Variants in RELCH observed in about 807,000 individuals in gnomAD.
RELCH encodes the protein RAB11 binding and LisH domain, coiled-coil and HEAT repeat containing, also known as RAB11-binding protein RELCH.
A neutral mutation model predicts 150.3 loss-of-function variants in RELCH; 41 were observed. The ratio of observed to expected loss-of-function variants is 0.27; its 90% CI spans 0.21 to 0.35. The LOEUF is 0.35. RELCH is among the 10% of genes least tolerant of loss of function. The pLI is 1.00. For missense variants in RELCH, 1,092 were observed against 1,467.8 expected, an observed-to-expected ratio of 0.74 and a Z score of 4.18; for synonymous variants, 478 against 531.8, an observed-to-expected ratio of 0.90 and a Z score of 1.39.
At chr18:62,233,942 T>G (rs2041734980) in intron 10 of RELCH, among the ~76,000 whole-genome samples, 1 of 152,002 alleles carries the variant, frequency 6.6e-6, no homozygotes, top group Non-Finnish European at 1.5e-5. Context: ...TGCACACATA[T>G]AACTAATTTG....
chr18:62,189,260 T>G (rs960871809), intron 1 of RELCH, among the ~76,000 whole-genome samples: 1 of 92,590 alleles, frequency 1.1e-5, no homozygotes, highest in Non-Finnish European at 2.6e-5. Flanking sequence ...TCTTTTTTTG[T>G]TTTTTTTTTT....
intron 26 of RELCH, among the ~76,000 whole-genome samples, chr18:62,289,932 T>A (rs917843552): frequency 6.6e-6 from 1 of 152,208 alleles, no homozygotes; most frequent in African/African-American, 2.4e-5. Flanking sequence ...ACTCTTAAAC[T>A]ACTAATTCAA....
intron 10 of RELCH, among the ~76,000 whole-genome samples, chr18:62,240,222 G>A (rs542867037): frequency 1.3e-5 from 2 of 151,738 alleles, no homozygotes; most frequent in South Asian, 4.2e-4. Flanking sequence ...TTTTTATATT[G>A]CTTATTGTCT....
chr18:62,232,526 C>CA, intron 10 of RELCH, 99 bp downstream of exon 10: 2 of 700,224 alleles, frequency 2.9e-6, no homozygotes, highest in Non-Finnish European at 5.1e-6. Context: ...TTGTTAAAGT[C>CA]TATTACTTGC....
chr18:62,216,567 A>G (rs2040488497), intron 2 of RELCH, among the ~76,000 whole-genome samples: 1 of 152,134 alleles, frequency 6.6e-6, no homozygotes, highest in African/African-American at 2.4e-5. Context: ...CACATGTCAC[A>G]TCAAGTATCG....
At chr18:62,280,598 C>T (rs1424425325) in intron 23 of RELCH, 48 bp from the exon 24 acceptor site, 7 of 1,419,502 alleles carry the variant, frequency 4.9e-6, no homozygotes, top group East Asian at 2.3e-5. Context: ...TAATAATACT[C>T]GTTGTTCATC....
At chr18:62,243,968 A>T (rs908680027) in intron 10 of RELCH, among the ~76,000 whole-genome samples, 1 of 152,010 alleles carries the variant, frequency 6.6e-6, no homozygotes, top group Non-Finnish European at 1.5e-5. Context: ...AAAATATTTT[A>T]TTACTTTTGG....
At position 62,188,014 on chromosome 18, in the gene RELCH, C is replaced by T. The variant is rs199924825; in HGVS notation, c.509C>T (p.Ser170Leu). 1.3e-5 allele frequency: 20 copies of T among 1,580,124 alleles called. No individual in the cohort carries two copies. In the Admixed American group the frequency reaches 1.8e-4, roughly 14 times the overall value. ...GAGGREPSTA[S>L]GGGQLNRAGS... is the part of the protein sequence containing the mutation. The stretch of plus-strand genomic sequence containing the variant: ...GGAGGTCGGGAACCGAGTACAGCGT[C>T]GGGCGGGGGACAGCTCAGTAAGTGG... Residue 170 changes from serine to leucine, a missense_variant, in exon 1 of 29, where the codon TCG (serine) becomes TTG (leucine). Around this residue, in one of 4 missense-constraint regions of RELCH, gnomAD observed 190 missense variants for 276.2 expected, o/e 0.69. Transcript: ENST00000644646.
At chr18:62,255,548 T>C in intron 13 of RELCH, 70 bp downstream of exon 13, 1 of 1,093,068 alleles carries the variant, frequency 9.1e-7, no homozygotes, top group Non-Finnish European at 1.3e-6. Context: ...TTGAGTGTCT[T>C]ATAGATTTTA....
chr18:62,295,360 A>T (rs1467466940), intron 27 of RELCH, among the ~76,000 whole-genome samples: 3 of 147,856 alleles, frequency 2.0e-5, no homozygotes, highest in African/African-American at 5.0e-5. Flanking sequence ...TTAGTTTTGA[A>T]TAGGGATTTA....
Position 62,258,231 on chromosome 18 carries a change from G to T in RELCH, c.2037+143G>T, listed in dbSNP as rs1022518424. The T allele has an allele frequency of 2.1e-5, 17 of 794,928 alleles. No homozygotes were observed. In the African/African-American group the frequency reaches 2.7e-4, roughly 13 times the overall value. 49.2% of individuals were successfully genotyped at this position (794,928 alleles called of 1,614,324 possible). ...TTTAGTCATCTGGGGATGGCTGCCT[G>T]GTTTCAATTTTGCAGCTCAGAGGAG... On this transcript the variant is annotated intron_variant, in intron 14 of 28. Transcript: ENST00000644646.
At chr18:62,221,304 A>T (rs1445648697) in intron 4 of RELCH, 30 bp downstream of exon 4, 1 of 1,564,020 alleles carries the variant, frequency 6.4e-7, no homozygotes, top group Non-Finnish European at 8.8e-7. Context: ...TGTAAAATTA[A>T]TCTTCCACAT....
intron 1 of RELCH, among the ~76,000 whole-genome samples, chr18:62,195,944 C>T (rs541664866): frequency 6.6e-6 from 1 of 152,292 alleles, no homozygotes; most frequent in South Asian, 2.1e-4. Flanking sequence ...GATCCGCCCG[C>T]CTCGGCCTCC....
Position 62,266,695 on chromosome 18 carries a change from G to A in RELCH, c.2632-6G>A, listed in dbSNP as rs2043582771. The A allele has an allele frequency of 4.4e-6, 7 of 1,595,994 alleles. No homozygotes were observed. The East Asian group carries it at 1.6e-4, about 36-fold the overall frequency. ...ACTTTTTGAATCTTCTCTTTGGGTT[G>A]CTTAGGTAAAACCTCAGTTCCAGGA... On this transcript the variant is annotated splice_polypyrimidine_tract_variant and splice_region_variant and intron_variant, in intron 18 of 28. Transcript: ENST00000644646.
intron 19 of RELCH, 159 bp from the exon 20 acceptor site, chr18:62,268,710 T>G: frequency 2.5e-6 from 1 of 393,756 alleles, no homozygotes; most frequent in Non-Finnish European, 4.6e-6. Context: ...CACTAAGTTG[T>G]ATTTTACAAC....
chr18:62,298,698 C>A (rs1330135278), intron 27 of RELCH, 92 bp from the exon 28 acceptor site: 2 of 663,188 alleles, frequency 3.0e-6, no homozygotes, highest in African/African-American at 3.8e-5. Context: ...AACATATTAG[C>A]TTATAGGAAT....
chr18:62,194,618 T>C (rs562154692), intron 1 of RELCH, among the ~76,000 whole-genome samples: 31 of 152,326 alleles, frequency 2.0e-4, no homozygotes, highest in African/African-American at 7.5e-4. Context: ...ACACAAATTA[T>C]ATTGTCTAGG....
chr18:62,221,498 G>T lies in RELCH; in HGVS notation c.858+1G>T. 1 of 1,370,694 alleles carries T rather than the reference G, an allele frequency of 7.3e-7. No individual in the cohort carries two copies. Among genetic ancestry groups the T allele is most frequent in the Non-Finnish European group, 1.0e-6 (1 of 1,002,824 alleles). 84.9% of individuals were successfully genotyped at this position (1,370,694 alleles called of 1,614,324 possible). A position where few individuals can be genotyped will look rare whatever the true frequency, so the allele number is the denominator to read the frequency against. ...CTTTTCAGATGAAAACGATGATCAG[G>T]TAAAGTTACTTTTTGTTTTTACAGT... On this transcript the variant is annotated splice_donor_variant, in intron 5 of 28. Coordinates refer to ENST00000644646, the MANE Select transcript of RELCH (RefSeq NM_001346231.2). LOFTEE classifies it high-confidence loss of function.
intron 22 of RELCH, 55 bp downstream of exon 22, chr18:62,275,528 CGAA>C (rs1465034558): frequency 4.9e-5 from 46 of 941,526 alleles, no homozygotes; most frequent in Non-Finnish European, 6.9e-5. Flanking sequence ...TTTTTTTTTG[CGAA>C]GAAGAAGGGA....
Sources: gnomAD v4.1 joint callset for allele counts (sites outside exome capture counted in the v4.1 genomes callset) on GRCh38, gnomAD v4.1.1 for gene constraint, gnomAD v4.1.1 regional missense constraint, MANE v1.5 for transcripts, NCBI Gene and HGNC (gene_info 2026-07-23, HGNC 2026-07-21) for gene names.